SEPHS1: variants seen among roughly 807,000 people sequenced by gnomAD.
SEPHS1 encodes selenophosphate synthetase 1.
A neutral mutation model predicts 39.2 loss-of-function variants in SEPHS1; 7 were observed. That is an observed-to-expected ratio of 0.18 (90% CI 0.10 to 0.34). The LOEUF is 0.34. Among genes scored for constraint, SEPHS1 ranks in the 10% least tolerant of loss-of-function variants. The pLI is 1.00. For missense variants in SEPHS1, 253 were observed against 514.5 expected (o/e 0.49, Z 4.92); for synonymous variants, 190 against 195.5 (o/e 0.97, Z 0.23).
At chr10:13,323,896 T>G (rs1833184934) in intron 7 of SEPHS1, among the ~76,000 whole-genome samples, 1 of 152,158 alleles carries the variant, frequency 6.6e-6, no homozygotes, top group Non-Finnish European at 1.5e-5. Flanking sequence ...TGCTCAATAA[T>G]ATTCCATACT....
chr10:13,320,107 T>C (rs1300627477), intron 8 of SEPHS1, among the ~76,000 whole-genome samples: 2 of 152,214 alleles, frequency 1.3e-5, no homozygotes, highest in Non-Finnish European at 2.9e-5. Context: ...GTCATGACTC[T>C]GTCATTATAT....
At chr10:13,339,491 AAT>A (rs1833728625) in intron 2 of SEPHS1, among the ~76,000 whole-genome samples, 1 of 151,976 alleles carries the variant, frequency 6.6e-6, no homozygotes, top group African/African-American at 2.4e-5. Flanking sequence ...CTCCTTTAAA[AAT>A]TACTTGTAAT....
At chr10:13,338,575 G>A in intron 3 of SEPHS1, 130 bp downstream of exon 3, 2 of 684,276 alleles carry the variant, frequency 2.9e-6, no homozygotes, top group Non-Finnish European at 5.1e-6. Flanking sequence ...TCTGGGCAGG[G>A]TGGGGCAGTA....
intron 5 of SEPHS1, among the ~76,000 whole-genome samples, chr10:13,330,560 G>T (rs1391010156): frequency 1.3e-5 from 2 of 152,068 alleles, no homozygotes; most frequent in Non-Finnish European, 2.9e-5. Context: ...TGTGCCTTTC[G>T]CAGCTTCAGC....
intron 3 of SEPHS1, among the ~76,000 whole-genome samples, chr10:13,337,170 C>CA (rs1345592867): frequency 9.3e-5 from 14 of 150,868 alleles, no homozygotes; most frequent in Non-Finnish European, 1.6e-4. Flanking sequence ...AAAAAAAAAA[C>CA]AAAAAAAATT....
chr10:13,326,907 G>C (rs902391100), intron 7 of SEPHS1, among the ~76,000 whole-genome samples: 4 of 152,256 alleles, frequency 2.6e-5, no homozygotes, highest in African/African-American at 9.6e-5. Context: ...ATAGGTAAAA[G>C]ATAATTGTGG....
intron 1 of SEPHS1, among the ~76,000 whole-genome samples, chr10:13,346,926 C>T (rs1223199411): frequency 1.3e-5 from 2 of 152,120 alleles, no homozygotes; most frequent in African/African-American, 4.8e-5. Flanking sequence ...ATTTAAAATT[C>T]CAAATGGTAC....
chr10:13,329,655 C>T (rs767585908), intron 6 of SEPHS1, 43 bp downstream of exon 6: 40 of 1,443,578 alleles, frequency 2.8e-5, no homozygotes, highest in Middle Eastern at 1.7e-4. Flanking sequence ...TACCTGCAAA[C>T]GTACCATTCC....
At chr10:13,320,586 T>A (rs1258785391) in intron 8 of SEPHS1, among the ~76,000 whole-genome samples, 1 of 149,924 alleles carries the variant, frequency 6.7e-6, no homozygotes, top group East Asian at 2.1e-4. Context: ...ACACGTGTAA[T>A]CCCAGCACTT....
intron 7 of SEPHS1, among the ~76,000 whole-genome samples, chr10:13,327,455 A>G (rs532635255): frequency 1.3e-5 from 2 of 152,160 alleles, no homozygotes; most frequent in Admixed American, 6.6e-5. Flanking sequence ...TGCTAGCCGG[A>G]GCTGTTTTGG....
At chr10:13,334,235 C>T (rs376991477) in intron 4 of SEPHS1, among the ~76,000 whole-genome samples, 4 of 152,152 alleles carry the variant, frequency 2.6e-5, no homozygotes, top group African/African-American at 4.8e-5. Flanking sequence ...CCTTTCTCTA[C>T]GAAACATGTA....
At chr10:13,333,291 G>A (rs1195309777) in intron 5 of SEPHS1, among the ~76,000 whole-genome samples, 2 of 151,878 alleles carry the variant, frequency 1.3e-5, no homozygotes, top group Non-Finnish European at 2.9e-5. Flanking sequence ...GTACCATCAT[G>A]CCTGGCTAAT....
In SEPHS1 at chr10:13,348,005, C is replaced by G. The variant is rs1833986659; in HGVS notation, c.-84G>C. 6.7e-6 allele frequency: 1 copy of G among 149,032 alleles called. No individual in the cohort carries two copies. Among genetic ancestry groups the G allele is most frequent in the African/African-American group, 2.4e-5 (1 of 40,932 alleles). 9.2% of individuals were successfully genotyped at this position (149,032 alleles called of 1,614,324 possible). On this transcript the variant is annotated 5_prime_UTR_variant, in exon 1 of 9. Transcript: ENST00000327347. ...GCGCCGGGCCCGCCGCTTACCGGCT[C>G]GCTTTGCGCCCTCCGCCTCCTCCCG...
rs2131678076 is a variant in SEPHS1 at position 13,318,559 on chromosome 10, C to T, written c.*583G>A. On this transcript the variant is annotated 3_prime_UTR_variant, in exon 9 of 9. Transcript: ENST00000327347. ...TCAAAGTGTTTTCCATGCAATGAAG[C>T]ACTTGCTGTGTTGAACTGAATGCAC... 2 of 152,560 alleles carry T rather than the reference C, an allele frequency of 1.3e-5. No individual in the cohort carries two copies. The highest frequency in any genetic ancestry group is 3.9e-4 in the East Asian group (2 of 5,186). The allele number at this position is 152,560 out of a possible 1,614,324, so 9.5% of individuals were successfully genotyped here. A position where few individuals can be genotyped will look rare whatever the true frequency, so the allele number is the denominator to read the frequency against.
intron 5 of SEPHS1, 66 bp downstream of exon 5, chr10:13,333,751 A>G (rs1256136421): frequency 3.9e-6 from 6 of 1,554,962 alleles, no homozygotes; most frequent in Non-Finnish European, 5.3e-6. Context: ...TAATACATCA[A>G]TTTTTAAAAA....
At chr10:13,346,929 A>G (rs981415406) in intron 1 of SEPHS1, among the ~76,000 whole-genome samples, 1 of 152,160 alleles carries the variant, frequency 6.6e-6, no homozygotes, top group Non-Finnish European at 1.5e-5. Flanking sequence ...TAAAATTCCA[A>G]ATGGTACTAA....
chr10:13,321,068 G>GTCCTGAAGC (rs2131682653), intron 8 of SEPHS1, among the ~76,000 whole-genome samples: 3 of 152,168 alleles, frequency 2.0e-5, no homozygotes, highest in African/African-American at 7.2e-5. Context: ...GCCTGGCAGA[G>GTCCTGAAGC]TCCTGAAGCC....
At chr10:13,335,387 C>T (rs1381617016) in intron 4 of SEPHS1, among the ~76,000 whole-genome samples, 5 of 152,194 alleles carry the variant, frequency 3.3e-5, no homozygotes, top group Non-Finnish European at 2.9e-5. Flanking sequence ...ATGCACAGGT[C>T]GGGCACGGTG....
intron 2 of SEPHS1, among the ~76,000 whole-genome samples, chr10:13,341,306 G>A (rs1038526421): frequency 6.6e-6 from 1 of 152,142 alleles, no homozygotes; most frequent in African/African-American, 2.4e-5. Flanking sequence ...CAGGGTCGGG[G>A]AAGCCTTAAA....
Sources: gnomAD v4.1 joint callset for allele counts (sites outside exome capture counted in the v4.1 genomes callset) on GRCh38, gnomAD v4.1.1 for gene constraint, MANE v1.5 for transcripts, NCBI Gene and HGNC (gene_info 2026-07-23, HGNC 2026-07-21) for gene names.